The following MAGI2 variants were observed in gnomAD, a reference collection of about 807,000 sequenced individuals.
MAGI2 encodes membrane associated guanylate kinase, WW and PDZ domain containing 2.
In MAGI2, 35 loss-of-function variants were observed where a neutral mutation model predicts 133.3. That is an observed-to-expected ratio of 0.26 (90% CI 0.20 to 0.35). The LOEUF is 0.35. Among genes scored for constraint, MAGI2 ranks in the 10% least tolerant of loss-of-function variants. The pLI, the probability that MAGI2 is intolerant of heterozygous loss-of-function variation, is 1.00. For missense variants in MAGI2, 1,636 were observed against 1,863.4 expected, an observed-to-expected ratio of 0.88 and a Z score of 2.25; for synonymous variants, 729 against 710.6, an observed-to-expected ratio of 1.03 and a Z score of -0.41.
At chr7:79,112,961 A>G (rs887173905) in intron 1 of MAGI2, among the ~76,000 whole-genome samples, 2 of 152,226 alleles carry the variant, frequency 1.3e-5, no homozygotes, top group African/African-American at 4.8e-5. Flanking sequence ...CATGAACTTT[A>G]AACATTGGGA....
At chr7:79,124,890 C>A in intron 1 of MAGI2, 2 of 243,070 alleles carry the variant, frequency 8.2e-6, no homozygotes, top group Non-Finnish European at 1.6e-5. Flanking sequence ...AACACCAAAC[C>A]CTCCAGGGGC....
chr7:79,203,959 A>C (rs1028077926), intron 1 of MAGI2, among the ~76,000 whole-genome samples: 2 of 152,060 alleles, frequency 1.3e-5, no homozygotes, highest in South Asian at 2.1e-4. Context: ...AAACCAGATC[A>C]CAGTATTTGG....
chr7:79,068,906 A>G (rs1483761611), intron 1 of MAGI2, among the ~76,000 whole-genome samples: 2 of 151,920 alleles, frequency 1.3e-5, no homozygotes, highest in Admixed American at 6.6e-5. Flanking sequence ...GTTTTGAGTG[A>G]GTTTCTTAAT....
chr7:78,811,816 T>C (rs1432003898), intron 2 of MAGI2, among the ~76,000 whole-genome samples: 3 of 152,180 alleles, frequency 2.0e-5, no homozygotes, highest in Non-Finnish European at 4.4e-5. Flanking sequence ...AAGATATCCA[T>C]GTCCTAAACC....
intron 1 of MAGI2, among the ~76,000 whole-genome samples, chr7:79,229,721 C>T (rs1831186327): frequency 6.6e-6 from 1 of 151,818 alleles, no homozygotes; most frequent in Non-Finnish European, 1.5e-5. Flanking sequence ...GATGATATGA[C>T]TTCTCACATA....
intron 10 of MAGI2, among the ~76,000 whole-genome samples, chr7:78,240,671 C>T (rs1791041636): frequency 6.6e-6 from 1 of 152,012 alleles, no homozygotes; most frequent in Non-Finnish European, 1.5e-5. Context: ...GAGATGTTAG[C>T]TAAAGGATAA....
chr7:78,231,979 C>T (rs1051023452), intron 10 of MAGI2, among the ~76,000 whole-genome samples: 1 of 151,596 alleles, frequency 6.6e-6, no homozygotes, highest in Non-Finnish European at 1.5e-5. Flanking sequence ...TGGGTAGTTA[C>T]AAACCCACCC....
At chr7:79,133,228 C>A (rs182051651) in intron 1 of MAGI2, among the ~76,000 whole-genome samples, 3 of 152,062 alleles carry the variant, frequency 2.0e-5, no homozygotes, top group Admixed American at 2.0e-4. Flanking sequence ...TTGCCTATGC[C>A]GATGTCTAGA....
intron 3 of MAGI2, among the ~76,000 whole-genome samples, chr7:78,597,825 G>T (rs1161854083): frequency 6.6e-6 from 1 of 150,524 alleles, no homozygotes; most frequent in Non-Finnish European, 1.5e-5. Context: ...TCTTCAATCC[G>T]ATATTTCCAG....
At chr7:78,577,563 A>T (rs1056145273) in intron 3 of MAGI2, among the ~76,000 whole-genome samples, 1 of 151,808 alleles carries the variant, frequency 6.6e-6, no homozygotes, top group African/African-American at 2.4e-5. Context: ...AGGTGGGCTG[A>T]GTCCGAAAAG....
At chr7:78,553,353 T>A (rs1799526772) in intron 3 of MAGI2, among the ~76,000 whole-genome samples, 1 of 152,200 alleles carries the variant, frequency 6.6e-6, no homozygotes, top group Admixed American at 6.5e-5. Flanking sequence ...GAAATAAATA[T>A]GTTTATGGCA....
At chr7:78,889,074 T>C (rs1796511664) in intron 2 of MAGI2, among the ~76,000 whole-genome samples, 2 of 152,162 alleles carry the variant, frequency 1.3e-5, no homozygotes, top group East Asian at 1.9e-4. Flanking sequence ...AAGAACTACA[T>C]GACGAATGCA....
intron 20 of MAGI2, among the ~76,000 whole-genome samples, chr7:78,088,340 G>GCTTCTGTCTTT (rs1326663553): frequency 6.6e-6 from 1 of 152,054 alleles, no homozygotes; most frequent in African/African-American, 2.4e-5. Context: ...TCTCCTCTCT[G>GCTTCTGTCTTT]ACCTCTGCTT....
intron 2 of MAGI2, among the ~76,000 whole-genome samples, chr7:78,768,324 A>G (rs992652532): frequency 6.6e-6 from 1 of 152,206 alleles, no homozygotes. Flanking sequence ...TTGCTGTTCT[A>G]CTATAATTGC....
intron 2 of MAGI2, among the ~76,000 whole-genome samples, chr7:78,824,095 AT>A (rs1790411237): frequency 6.6e-6 from 1 of 152,248 alleles, no homozygotes; most frequent in Admixed American, 6.5e-5. Flanking sequence ...TGATAAACAC[AT>A]TTAAATGAAA....
chr7:78,517,253 T>C (rs1796123165), intron 4 of MAGI2, among the ~76,000 whole-genome samples: 1 of 151,838 alleles, frequency 6.6e-6, no homozygotes, highest in Non-Finnish European at 1.5e-5. Flanking sequence ...GGATACATCG[T>C]ACTTGTCATT....
At chr7:78,666,134 T>C (rs1813553796) in intron 2 of MAGI2, among the ~76,000 whole-genome samples, 1 of 152,146 alleles carries the variant, frequency 6.6e-6, no homozygotes, top group Non-Finnish European at 1.5e-5. Context: ...AAAATAATAG[T>C]ACACCTGTTT....
chr7:78,258,791 A>G (rs758326720), intron 9 of MAGI2, among the ~76,000 whole-genome samples: 2 of 152,174 alleles, frequency 1.3e-5, no homozygotes, highest in Non-Finnish European at 2.9e-5. Context: ...ATTGTAATAC[A>G]GTATTTAGTG....
At chr7:78,889,777 C>A (rs1005115666) in intron 2 of MAGI2, among the ~76,000 whole-genome samples, 11 of 152,080 alleles carry the variant, frequency 7.2e-5, no homozygotes, top group Middle Eastern at 3.2e-3. Flanking sequence ...CAAAAACATG[C>A]CAAATTGTGA....
Sources: allele counts gnomAD v4.1 joint callset (sites outside exome capture counted in the v4.1 genomes callset), GRCh38; gene constraint gnomAD v4.1.1; transcripts MANE v1.5; gene names NCBI Gene and HGNC (gene_info 2026-07-23, HGNC 2026-07-21).